Variants in PGPEP1L observed in about 807,000 individuals in gnomAD.
PGPEP1L encodes pyroglutamyl-peptidase I like, also known as pyroglutamyl-peptidase 1-like protein.
PGPEP1L carries 7 observed loss-of-function variants against 6.0 expected under a neutral mutation model. That is an observed-to-expected ratio of 1.17 (90% CI 0.66 to 2.19). PGPEP1L has a LOEUF of 2.19. Ranked by LOEUF, PGPEP1L falls within the 30% of genes most tolerant of loss-of-function variation. PGPEP1L has a pLI of 0.00. For synonymous variants in PGPEP1L, 103 were observed against 83.9 expected (o/e 1.23, Z -1.24); for missense variants, 209 against 192.5 (o/e 1.09, Z -0.51).
chr15:98,997,570 C>T (rs1401583021), intron 2 of PGPEP1L, among the ~76,000 whole-genome samples: 2 of 152,144 alleles, frequency 1.3e-5, no homozygotes, highest in African/African-American at 2.4e-5. Flanking sequence ...TGTGCTTTCT[C>T]CTAGTTGGCT....
At chr15:98,980,587 C>T (rs978580071) in intron 2 of PGPEP1L, among the ~76,000 whole-genome samples, 3 of 152,072 alleles carry the variant, frequency 2.0e-5, no homozygotes, top group Admixed American at 1.3e-4. Flanking sequence ...GTGTGGGCTG[C>T]GCAGAGTTAC....
intron 2 of PGPEP1L, among the ~76,000 whole-genome samples, chr15:98,973,967 AGAG>A (rs1409272545): frequency 6.6e-6 from 1 of 152,242 alleles, no homozygotes; most frequent in Non-Finnish European, 1.5e-5. Context: ...CTAAGAAAAA[AGAG>A]AAGACCCAAA....
intron 2 of PGPEP1L, among the ~76,000 whole-genome samples, chr15:98,976,663 G>C (rs952061357): frequency 6.6e-6 from 1 of 152,180 alleles, no homozygotes; most frequent in Non-Finnish European, 1.5e-5. Flanking sequence ...AGGAGGGGCA[G>C]TGGCCACTCC....
intron 2 of PGPEP1L, among the ~76,000 whole-genome samples, chr15:98,979,341 A>C (rs921537977): frequency 9.4e-5 from 3 of 31,766 alleles, no homozygotes; most frequent in East Asian, 1.0e-3. Context: ...ACAAAAAAAA[A>C]ACCAAAAAAC....
chr15:98,968,342 G>A lies in PGPEP1L; in HGVS notation c.*136C>T. 1.2e-6 allele frequency: 1 copy of A among 827,466 alleles called. No individual in the cohort carries two copies. Among genetic ancestry groups the A allele is most frequent in the Admixed American group, 2.6e-5 (1 of 38,958 alleles). The allele number at this position is 827,466 out of a possible 1,614,324, so 51.3% of individuals were successfully genotyped here. On this transcript the variant is annotated 3_prime_UTR_variant, in exon 5 of 5. Coordinates refer to ENST00000535714, the MANE Select transcript of PGPEP1L (RefSeq NM_001167902.2). ...TCCTGACAATAAAATAACCCTTTGT[G>A]ATTTTGTTGGGCTAATTCAGAGTTT... is the stretch of plus-strand genomic sequence containing the variant.
intron 1 of PGPEP1L, among the ~76,000 whole-genome samples, chr15:99,006,048 AAGAG>A (rs543889445): frequency 5.3e-5 from 8 of 152,226 alleles, no homozygotes; most frequent in Non-Finnish European, 1.0e-4. Context: ...GCAGAAAAAA[AAGAG>A]AGAAAACCAT....
At chr15:99,004,700 G>A (rs1444607961) in intron 2 of PGPEP1L, among the ~76,000 whole-genome samples, 1 of 152,190 alleles carries the variant, frequency 6.6e-6, no homozygotes, top group Non-Finnish European at 1.5e-5. Context: ...CCTAGCGACA[G>A]AACAAGACTC....
At chr15:98,994,869 T>C (rs868975912) in intron 2 of PGPEP1L, among the ~76,000 whole-genome samples, 1 of 152,246 alleles carries the variant, frequency 6.6e-6, no homozygotes, top group African/African-American at 2.4e-5. Flanking sequence ...TTTTGGCACT[T>C]TGAATATATT....
chr15:99,003,688 C>T (rs1265153276), intron 2 of PGPEP1L, among the ~76,000 whole-genome samples: 17 of 149,252 alleles, frequency 1.1e-4, no homozygotes, highest in Non-Finnish European at 2.2e-4. Flanking sequence ...AGGAAGGCCA[C>T]GCTCTGGAAT....
At chr15:98,995,484 G>A (rs1312088187) in intron 2 of PGPEP1L, among the ~76,000 whole-genome samples, 1 of 152,190 alleles carries the variant, frequency 6.6e-6, no homozygotes, top group Non-Finnish European at 1.5e-5. Context: ...GATCACCTGA[G>A]GTCAGGAGTT....
In PGPEP1L at chr15:98,969,575, C is replaced by G; in HGVS notation, c.59G>C (p.Arg20Pro). The G allele has an allele frequency of 6.2e-7, 1 of 1,613,868 alleles. No individual in the cohort carries two copies. The highest frequency in any genetic ancestry group is 1.3e-5 in the African/African-American group (1 of 75,054). Residue 20 changes from arginine to proline, a missense_variant, in exon 4 of 5, where the codon CGG becomes CCG. By Grantham distance (103) the Arg-to-Pro change is moderately radical. Coordinates refer to ENST00000535714, the MANE Select transcript of PGPEP1L (RefSeq NM_001167902.2). ...CCAGAAGCTGCGGATGTCGGCGTCC[C>G]GGTAGCCTTGGTTCTTGCCAGACTG... ...LEQSGKNQGY[R>P]DADIRSFWPE...
chr15:98,969,783 G>A, intron 3 of PGPEP1L, 132 bp from the exon 4 acceptor site: 1 of 825,930 alleles, frequency 1.2e-6, no homozygotes, highest in South Asian at 1.6e-5. Context: ...AATCCACTGG[G>A]AAACCCCAGG....
At chr15:98,973,082 C>CT (rs577322118) in intron 2 of PGPEP1L, among the ~76,000 whole-genome samples, 3 of 152,014 alleles carry the variant, frequency 2.0e-5, no homozygotes, top group African/African-American at 7.2e-5. Flanking sequence ...ATAAAATGGA[C>CT]TTTAAGTCAA....
At chr15:98,987,830 G>A (rs1555471671) in intron 2 of PGPEP1L, among the ~76,000 whole-genome samples, 15 of 152,276 alleles carry the variant, frequency 9.9e-5, no homozygotes, top group East Asian at 1.9e-4. Flanking sequence ...GCAGCCCACA[G>A]AGGGTGAGCT....
chr15:98,980,530 C>T (rs573588623), intron 2 of PGPEP1L, among the ~76,000 whole-genome samples: 70 of 152,314 alleles, frequency 4.6e-4, no homozygotes, highest in Middle Eastern at 3.4e-3. Flanking sequence ...TCCCAGTAAC[C>T]GATGTAACTC....
chr15:99,005,880 G>A (rs781926489), intron 1 of PGPEP1L, among the ~76,000 whole-genome samples: 3 of 152,186 alleles, frequency 2.0e-5, no homozygotes, highest in African/African-American at 4.8e-5. Flanking sequence ...AAGAGGTACT[G>A]TCCTAGGAAC....
At chr15:98,971,425 TGGA>T (rs2017495616) in intron 2 of PGPEP1L, among the ~76,000 whole-genome samples, 1 of 150,772 alleles carries the variant, frequency 6.6e-6, no homozygotes, top group African/African-American at 2.5e-5. Context: ...ACCTGGGAGG[TGGA>T]GGTTGCAGTG....
At chr15:98,999,330 G>T (rs1161081226) in intron 2 of PGPEP1L, among the ~76,000 whole-genome samples, 1 of 152,218 alleles carries the variant, frequency 6.6e-6, no homozygotes, top group Non-Finnish European at 1.5e-5. Context: ...CACATGAAAA[G>T]ATGTTCAACA....
At chr15:98,972,367 T>TA (rs1438807051) in intron 2 of PGPEP1L, among the ~76,000 whole-genome samples, 1 of 146,188 alleles carries the variant, frequency 6.8e-6, no homozygotes, top group African/African-American at 2.5e-5. Context: ...AATAAATAAA[T>TA]AAATAAATAA....
Sources: gnomAD v4.1 joint callset for allele counts (sites outside exome capture counted in the v4.1 genomes callset) on GRCh38, gnomAD v4.1.1 for gene constraint, MANE v1.5 for transcripts, NCBI Gene and HGNC (gene_info 2026-07-23, HGNC 2026-07-21) for gene names.